DSCAM: variants seen among roughly 807,000 people sequenced by gnomAD.
DSCAM encodes DS cell adhesion molecule, also known as cell adhesion molecule DSCAM.
Under a neutral mutation model 217.7 loss-of-function variants are expected in DSCAM, and 47 were observed. That is an observed-to-expected ratio of 0.22 (90% confidence interval 0.17 to 0.28). The LOEUF is 0.28. DSCAM is among the 10% of genes least tolerant of loss of function. The pLI, the probability that DSCAM is intolerant of heterozygous loss-of-function variation, is 1.00. For synonymous variants in DSCAM, 1,056 were observed against 1,015.3 expected (o/e 1.04, Z -0.76); for missense variants, 2,080 against 2,618.3 (o/e 0.79, Z 4.49).
chr21:40,220,679 C>T lies in DSCAM; in HGVS notation c.2357-31441G>A, dbSNP rs557276149. On this transcript the variant is annotated intron_variant, in intron 11 of 32. Transcript: ENST00000400454. ...CAGTGATGAGGATGTATTAGAATAG[C>T]TATATGAGACTCCCCATGAGAGTTC... Among the ~76,000 whole-genome samples the T allele has an allele frequency of 5.9e-5, 9 of 152,314 alleles. No individual in the cohort carries two copies. In the East Asian group the frequency reaches 1.7e-3, roughly 29 times the overall value.
intron 1 of DSCAM, among the ~76,000 whole-genome samples, chr21:40,758,978 T>A (rs940890399): frequency 3.6e-4 from 55 of 152,162 alleles, no homozygotes; most frequent in Non-Finnish European, 2.4e-4. Context: ...TCATCATAAA[T>A]AAAGAACGCA....
intron 18 of DSCAM, among the ~76,000 whole-genome samples, chr21:40,137,178 G>GAAAAA (rs34652896): frequency 3.9e-4 from 25 of 64,338 alleles, no homozygotes; most frequent in East Asian, 5.4e-4. Context: ...CTGTCTCAAG[G>GAAAAA]AAAAAAAAAA....
intron 3 of DSCAM, among the ~76,000 whole-genome samples, chr21:40,516,185 T>TA (rs1486577682): frequency 3.4e-4 from 52 of 152,024 alleles, no homozygotes; most frequent in Non-Finnish European, 8.8e-5. Context: ...TGACCTCTAT[T>TA]AAAATTAATT....
chr21:40,607,510 G>A (rs1365814805), intron 3 of DSCAM, among the ~76,000 whole-genome samples: 2 of 151,088 alleles, frequency 1.3e-5, no homozygotes, highest in Non-Finnish European at 2.9e-5. Flanking sequence ...GCATGATATG[G>A]TTTGGCTGTG....
intron 11 of DSCAM, among the ~76,000 whole-genome samples, chr21:40,192,535 C>T (rs1308565823): frequency 3.9e-5 from 6 of 152,214 alleles, no homozygotes; most frequent in African/African-American, 1.4e-4. Flanking sequence ...TCCCTAGTCG[C>T]ATAGGACTGT....
Position 40,556,854 on chromosome 21 carries a change from T to C in DSCAM, c.508+135956A>G, listed in dbSNP as rs371267121. On this transcript the variant is annotated intron_variant, in intron 3 of 32. Transcript: ENST00000400454. ...ACATGAGGTTTGAAGGGAATAAATA[T>C]CCATATCATAGCACTATTCATTAAA... Among the ~76,000 whole-genome samples, 9 of 152,182 alleles carry C rather than the reference T, an allele frequency of 5.9e-5. No homozygotes were observed. In the East Asian group the frequency reaches 1.7e-3, roughly 30 times the overall value.
chr21:40,706,501 C>A (rs1198426480), intron 2 of DSCAM, among the ~76,000 whole-genome samples: 1 of 152,140 alleles, frequency 6.6e-6, no homozygotes, highest in African/African-American at 2.4e-5. Flanking sequence ...CCTTGTGCTG[C>A]CAAGGGAAAG....
At chr21:40,243,590 G>A (rs2073182740) in intron 11 of DSCAM, among the ~76,000 whole-genome samples, 9 of 152,108 alleles carry the variant, frequency 5.9e-5, no homozygotes, top group Admixed American at 4.6e-4. Context: ...TGAGTGTGGG[G>A]CCCTGTGTGA....
intron 3 of DSCAM, among the ~76,000 whole-genome samples, chr21:40,537,266 T>C (rs1044742768): frequency 2.0e-5 from 3 of 152,190 alleles, no homozygotes; most frequent in African/African-American, 7.2e-5. Flanking sequence ...TTATTCAATA[T>C]GTGGTGAGGA....
chr21:40,639,689 A>ATG (rs56796261), intron 3 of DSCAM, among the ~76,000 whole-genome samples: 28,492 of 150,210 alleles, frequency 0.19, 2,841 homozygotes, highest in Admixed American at 0.25. Context: ...ATGTGTGTGC[A>ATG]TGTGTGTGTG....
chr21:40,717,379 A>G (rs1031921042), intron 1 of DSCAM, among the ~76,000 whole-genome samples: 2 of 152,274 alleles, frequency 1.3e-5, no homozygotes, highest in Non-Finnish European at 2.9e-5. Flanking sequence ...CAAAACTGTG[A>G]GCAAATGTTT....
chr21:40,085,069 A>G (rs573252669), intron 23 of DSCAM, among the ~76,000 whole-genome samples: 70 of 152,336 alleles, frequency 4.6e-4, no homozygotes, highest in African/African-American at 1.7e-3. Context: ...TAACATGACA[A>G]TCTTTTGAAG....
chr21:40,093,599 TA>T, intron 21 of DSCAM, 121 bp downstream of exon 21: 1 of 1,230,266 alleles, frequency 8.1e-7, no homozygotes, highest in Non-Finnish European at 1.1e-6. Context: ...TTTCTTGAGC[TA>T]AAATGTGATA....
chr21:40,615,999 C>A (rs1036938313), intron 3 of DSCAM, among the ~76,000 whole-genome samples: 7 of 151,790 alleles, frequency 4.6e-5, no homozygotes, highest in Non-Finnish European at 7.4e-5. Context: ...CAAACACACA[C>A]ACACACACAT....
chr21:40,779,032 GAAAAAAAAAAAAAAAA>G (rs772208075), intron 1 of DSCAM, among the ~76,000 whole-genome samples: 3 of 45,548 alleles, frequency 6.6e-5, no homozygotes, highest in Admixed American at 3.1e-4. Flanking sequence ...CTCAAAAACA[GAAAAAAAAAAAAAAAA>G]AAAAAAAAAA....
chr21:40,157,920 G>A (rs528925185), intron 16 of DSCAM, among the ~76,000 whole-genome samples: 4 of 151,868 alleles, frequency 2.6e-5, no homozygotes, highest in Admixed American at 6.6e-5. Context: ...TCTTAAACCC[G>A]TGGGCTCAAG....
At chr21:40,446,541 A>G (rs148126986) in intron 3 of DSCAM, among the ~76,000 whole-genome samples, 15 of 152,316 alleles carry the variant, frequency 9.8e-5, no homozygotes, top group Non-Finnish European at 1.8e-4. Context: ...GATCAACTGC[A>G]TTAAGGAAGA....
At chr21:40,845,815 T>A (rs2092140378) in intron 1 of DSCAM, among the ~76,000 whole-genome samples, 1 of 152,224 alleles carries the variant, frequency 6.6e-6, no homozygotes, top group African/African-American at 2.4e-5. Flanking sequence ...TGTAAGTTCA[T>A]ATTTATGCGG....
At chr21:40,080,885 G>A (rs1451302925) in intron 24 of DSCAM, among the ~76,000 whole-genome samples, 1 of 152,086 alleles carries the variant, frequency 6.6e-6, no homozygotes, top group African/African-American at 2.4e-5. Flanking sequence ...TCTTTGGTTT[G>A]AAAAATTCCT....
Sources: allele counts gnomAD v4.1 joint callset (sites outside exome capture counted in the v4.1 genomes callset), GRCh38; gene constraint gnomAD v4.1.1; transcripts MANE v1.5; gene names NCBI Gene and HGNC (gene_info 2026-07-23, HGNC 2026-07-21).